The following CCSER1 variants were observed in gnomAD, a reference collection of about 807,000 sequenced individuals.
CCSER1 encodes coiled-coil serine rich protein 1, also known as serine-rich coiled-coil domain-containing protein 1.
In CCSER1, 41 loss-of-function variants were observed where a neutral mutation model predicts 82.0. That is an observed-to-expected ratio of 0.50 (90% CI 0.39 to 0.65). The LOEUF is 0.65. CCSER1 is among the 30% of genes least tolerant of loss of function. CCSER1 has a pLI of 0.00. For missense variants in CCSER1, 1,119 were observed against 1,064.2 expected (o/e 1.05, Z -0.72); for synonymous variants, 414 against 383.9 (o/e 1.08, Z -0.92).
intron 1 of CCSER1, among the ~76,000 whole-genome samples, chr4:90,251,914 G>A (rs1722453515): frequency 6.6e-6 from 1 of 151,588 alleles, no homozygotes; most frequent in Admixed American, 6.6e-5. Context: ...TGATTTTGTT[G>A]ATTTACTGTA....
chr4:91,598,893 A>C lies in CCSER1; in HGVS notation c.2539A>C (p.Lys847Gln), dbSNP rs1442213489. The part of the protein sequence containing the change: ...EGLSTFLEKP[K>Q]DQVATARQHS... ...GCTCTCCACGTTCTTAGAGAAACCA[A>C]AGGACCAAGTTGCTACGGCCCGACA... Residue 847 changes from lysine to glutamine, a missense_variant, in exon 11 of 11, where the codon AAG becomes CAG. Coordinates refer to ENST00000509176, the MANE Select transcript of CCSER1 (RefSeq NM_001145065.2). The C allele has an allele frequency of 1.3e-6, 2 of 1,551,622 alleles. No individual in the cohort carries two copies. Among genetic ancestry groups the C allele is most frequent in the Admixed American group, 3.9e-5 (2 of 50,998 alleles).
At chr4:91,176,861 A>G (rs1733432751) in intron 10 of CCSER1, among the ~76,000 whole-genome samples, 2 of 152,162 alleles carry the variant, frequency 1.3e-5, no homozygotes, top group Non-Finnish European at 2.9e-5. Flanking sequence ...ACTATGTTGA[A>G]TAGAAGTGGT....
rs1171154499 is a variant in CCSER1 at position 90,574,057 on chromosome 4, CA to C, written c.1725-53964del. ...ATTAAAAAAATACATTTTACCTGAGCAAAATCTTATAGAATTTGATGGTTTC... is the reference window on the plus strand; with the variant it reads ...ATTAAAAAAATACATTTTACCTGAGCAAATCTTATAGAATTTGATGGTTTC... On this transcript the variant is annotated intron_variant, in intron 5 of 10. Transcript: ENST00000509176. 2.0e-5 allele frequency among the ~76,000 whole-genome samples: 3 copies of C among 151,416 alleles called. No homozygotes were observed. In the East Asian group the frequency reaches 5.8e-4, roughly 29 times the overall value.
intron 5 of CCSER1, among the ~76,000 whole-genome samples, chr4:90,537,023 C>T (rs780002747): frequency 1.3e-5 from 2 of 152,160 alleles, no homozygotes; most frequent in Non-Finnish European, 1.5e-5. Context: ...TTATTTGCCA[C>T]TTTTGCCGGG....
chr4:91,392,831 A>T (rs920824954), intron 10 of CCSER1, among the ~76,000 whole-genome samples: 1 of 152,118 alleles, frequency 6.6e-6, no homozygotes, highest in Non-Finnish European at 1.5e-5. Context: ...TTTCTGATCT[A>T]CTTCAAGGCA....
At chr4:91,089,412 C>G (rs1723713688) in intron 10 of CCSER1, among the ~76,000 whole-genome samples, 1 of 152,194 alleles carries the variant, frequency 6.6e-6, no homozygotes, top group African/African-American at 2.4e-5. Flanking sequence ...GTTTCACTTC[C>G]TTGTTTCTTC....
chr4:90,982,952 A>G (rs1234354838), intron 9 of CCSER1, among the ~76,000 whole-genome samples: 1 of 151,814 alleles, frequency 6.6e-6, no homozygotes, highest in African/African-American at 2.4e-5. Flanking sequence ...CACGATTGAT[A>G]GTTATAGTAG....
At chr4:91,365,489 G>A (rs894725216) in intron 10 of CCSER1, among the ~76,000 whole-genome samples, 30 of 152,074 alleles carry the variant, frequency 2.0e-4, no homozygotes, top group Non-Finnish European at 4.3e-4. Flanking sequence ...AAATTAGAGA[G>A]GATCTAGAGA....
intron 5 of CCSER1, among the ~76,000 whole-genome samples, chr4:90,516,112 T>G (rs552973787): frequency 6.6e-6 from 1 of 152,298 alleles, no homozygotes; most frequent in South Asian, 2.1e-4. Flanking sequence ...CGCCCTTCTT[T>G]GGACTGTGTG....
At chr4:91,194,006 G>A (rs990901335) in intron 10 of CCSER1, among the ~76,000 whole-genome samples, 1 of 152,060 alleles carries the variant, frequency 6.6e-6, no homozygotes, top group African/African-American at 2.4e-5. Context: ...GTCTCACTCT[G>A]TTGCCCAGGC....
At chr4:90,417,310 A>AGTC in intron 4 of CCSER1, among the ~76,000 whole-genome samples, 1 of 152,168 alleles carries the variant, frequency 6.6e-6, no homozygotes. Context: ...TAGCATATTT[A>AGTC]AAATAGAAAT....
At chr4:90,242,567 C>A (rs993671220) in intron 1 of CCSER1, among the ~76,000 whole-genome samples, 8 of 152,098 alleles carry the variant, frequency 5.3e-5, no homozygotes, top group African/African-American at 1.9e-4. Flanking sequence ...GAACATGAAC[C>A]TAGTGAACAA....
intron 10 of CCSER1, among the ~76,000 whole-genome samples, chr4:91,087,760 T>G (rs1723529268): frequency 6.6e-6 from 1 of 152,102 alleles, no homozygotes; most frequent in African/African-American, 2.4e-5. Flanking sequence ...AAAGTAAATG[T>G]CAACTATTAA....
intron 7 of CCSER1, among the ~76,000 whole-genome samples, chr4:90,790,046 G>T (rs1211794821): frequency 6.6e-6 from 1 of 151,952 alleles, no homozygotes; most frequent in African/African-American, 2.4e-5. Context: ...CTTCTCATTT[G>T]CCTCTCTCTA....
intron 5 of CCSER1, among the ~76,000 whole-genome samples, chr4:90,526,464 T>C (rs551943749): frequency 2.0e-5 from 3 of 152,190 alleles, no homozygotes; most frequent in East Asian, 1.9e-4. Context: ...GTTTGTTACA[T>C]AGGTATACAC....
chr4:91,335,265 A>C (rs766895664), intron 10 of CCSER1, among the ~76,000 whole-genome samples: 24 of 152,016 alleles, frequency 1.6e-4, no homozygotes, highest in Non-Finnish European at 2.8e-4. Context: ...TTCCTACCCC[A>C]ATCCCCAGTG....
At chr4:90,974,065 G>T (rs1735373300) in intron 9 of CCSER1, among the ~76,000 whole-genome samples, 1 of 151,488 alleles carries the variant, frequency 6.6e-6, no homozygotes, top group South Asian at 2.1e-4. Context: ...GGGATACGTA[G>T]GAAATGATGA....
chr4:90,494,986 T>C (rs1277324921), intron 5 of CCSER1, among the ~76,000 whole-genome samples: 1 of 152,182 alleles, frequency 6.6e-6, no homozygotes, highest in African/African-American at 2.4e-5. Flanking sequence ...CTGTAGCTTC[T>C]GTTCATTCAC....
At chr4:90,236,468 C>T (rs753302398) in intron 1 of CCSER1, among the ~76,000 whole-genome samples, 1 of 152,092 alleles carries the variant, frequency 6.6e-6, no homozygotes, top group Non-Finnish European at 1.5e-5. Flanking sequence ...AGATATTCTG[C>T]ATCAAGGACT....
Sources: gnomAD v4.1 joint callset for allele counts (sites outside exome capture counted in the v4.1 genomes callset) on GRCh38, gnomAD v4.1.1 for gene constraint, MANE v1.5 for transcripts, NCBI Gene and HGNC (gene_info 2026-07-23, HGNC 2026-07-21) for gene names.